Variants in PROX1 observed in about 807,000 individuals in gnomAD.
The protein encoded by PROX1 is prospero homeobox 1.
A neutral mutation model predicts 58.8 loss-of-function variants in PROX1; 7 were observed. That is an observed-to-expected ratio of 0.12 (90% confidence interval 0.07 to 0.22). PROX1 has a LOEUF of 0.22. Ranked by LOEUF, PROX1 falls within the 10% of genes least tolerant of loss-of-function variation. The pLI is 1.00. For synonymous variants in PROX1, 350 were observed against 358.3 expected (o/e 0.98, Z 0.26); for missense variants, 675 against 927.8 (o/e 0.73, Z 3.54).
chr1:214,035,628 A>G, intron 4 of PROX1, 21 bp from the exon 5 acceptor site: 1 of 1,591,836 alleles, frequency 6.3e-7, no homozygotes, highest in Non-Finnish European at 8.6e-7. Flanking sequence ...TATTAATGCC[A>G]TTGTCTCCTT....
intron 3 of PROX1, among the ~76,000 whole-genome samples, chr1:214,010,759 A>T (rs888903337): frequency 4.6e-5 from 7 of 152,174 alleles, no homozygotes; most frequent in Non-Finnish European, 8.8e-5. Flanking sequence ...CTTGGCATTT[A>T]AAAAAATGTA....
At position 213,993,830 on chromosome 1, in the gene PROX1, T is replaced by A. The variant is rs1448331168; in HGVS notation, c.-67-2639T>A. On this transcript the variant is annotated intron_variant, in intron 1 of 4. Transcript: ENST00000366958. ...TTTGTTATGTTCCAGCTGGACATTT[T>A]ACAACAAGACCTAAAAGTATTTAAA... Among the ~76,000 whole-genome samples, 3 of 152,254 alleles carry A rather than the reference T, an allele frequency of 2.0e-5. No individual in the cohort carries two copies. In the East Asian group the frequency reaches 5.8e-4, roughly 29 times the overall value.
chr1:214,004,172 A>G (rs1354938793), intron 2 of PROX1, among the ~76,000 whole-genome samples: 1 of 152,248 alleles, frequency 6.6e-6, no homozygotes, highest in Non-Finnish European at 1.5e-5. Flanking sequence ...TGCTGAGGAA[A>G]TGGCAGGGCC....
At chr1:213,989,336 G>C (rs1160585506) in intron 1 of PROX1, among the ~76,000 whole-genome samples, 3 of 151,896 alleles carry the variant, frequency 2.0e-5, no homozygotes, top group African/African-American at 7.3e-5. Flanking sequence ...AGGCTCGGGG[G>C]GTCGCGTGGC....
intron 1 of PROX1, 100 bp from the exon 2 acceptor site, chr1:213,996,369 C>A: frequency 1.4e-6 from 1 of 711,388 alleles, no homozygotes; most frequent in South Asian, 2.5e-5. Flanking sequence ...GCCATAAATC[C>A]CAGAGCCTAT....
intron 4 of PROX1, among the ~76,000 whole-genome samples, chr1:214,016,268 A>G (rs912117181): frequency 3.3e-5 from 5 of 151,974 alleles, no homozygotes; most frequent in African/African-American, 1.2e-4. Flanking sequence ...CCCCATACCT[A>G]CCCTTTTCTT....
At chr1:214,029,917 A>G (rs1287440330) in intron 4 of PROX1, 1 of 152,610 alleles carries the variant, frequency 6.6e-6, no homozygotes, top group African/African-American at 2.4e-5. Context: ...TGTTTTATTT[A>G]CCGCACAGTA....
intron 4 of PROX1, among the ~76,000 whole-genome samples, chr1:214,017,095 C>T (rs1664122895): frequency 6.6e-6 from 1 of 151,912 alleles, no homozygotes; most frequent in African/African-American, 2.4e-5. Context: ...TCTACAGTGG[C>T]TATATCACAT....
intron 4 of PROX1, among the ~76,000 whole-genome samples, chr1:214,017,443 G>C (rs1664132714): frequency 6.6e-6 from 1 of 152,036 alleles, no homozygotes; most frequent in South Asian, 2.1e-4. Context: ...AGGAGAAAAA[G>C]TCTCAACTCT....
In PROX1 at chr1:214,038,390, A is replaced by T. The variant is rs1020083351; in HGVS notation, c.*2556A>T. ...CTCCAAATTCCTATTTAACAGTTTGATTTTTTTTTTTTAATCACCATCTTT... is the reference window on the plus strand; with the variant it reads ...CTCCAAATTCCTATTTAACAGTTTGTTTTTTTTTTTTTAATCACCATCTTT... On this transcript the variant is annotated 3_prime_UTR_variant, in exon 5 of 5. Transcript: ENST00000366958. 6.8e-6 allele frequency: 1 copy of T among 146,798 alleles called. No individual in the cohort carries two copies. The highest frequency in any genetic ancestry group is 2.5e-5 in the African/African-American group (1 of 40,286). 9.1% of individuals were successfully genotyped at this position (146,798 alleles called of 1,614,324 possible).
chr1:214,003,962 T>TTTG (rs1553289681), intron 2 of PROX1, among the ~76,000 whole-genome samples: 2 of 113,412 alleles, frequency 1.8e-5, no homozygotes, highest in African/African-American at 3.1e-5. Flanking sequence ...TGTTGGGTAG[T>TTTG]TGTGTGAGTG....
intron 2 of PROX1, among the ~76,000 whole-genome samples, chr1:214,000,043 TACACACAC>T (rs10536742): frequency 3.4e-5 from 5 of 149,114 alleles, no homozygotes; most frequent in South Asian, 2.1e-4. Flanking sequence ...CTCTCTCTCT[TACACACAC>T]ACACACACAC....
Position 213,996,513 on chromosome 1 carries a change from G to GA in PROX1, c.-22dup, listed in dbSNP as rs1663267685. 6.3e-7 allele frequency: 1 copy of GA among 1,591,246 alleles called. No individual in the cohort carries two copies. Among genetic ancestry groups the GA allele is most frequent in the Non-Finnish European group, 8.6e-7 (1 of 1,165,700 alleles). ...TGTGCCCAGCTGACGAGCTTTTGAA[G>GA]ATGGCACAATAACCGTCCAGTGATG... is the stretch of plus-strand genomic sequence containing the variant. On this transcript the variant is annotated 5_prime_UTR_variant, in exon 2 of 5. The change creates a new upstream start codon in the 5' untranslated region. Coordinates refer to ENST00000366958, the MANE Select transcript of PROX1 (RefSeq NM_001270616.2).
At chr1:213,990,688 G>A (rs1176213158) in intron 1 of PROX1, among the ~76,000 whole-genome samples, 1 of 149,544 alleles carries the variant, frequency 6.7e-6, no homozygotes, top group African/African-American at 2.5e-5. Context: ...GTGTGTGTGT[G>A]TGTGTGTGTG....
chr1:214,012,629 G>A (rs1663953530), intron 4 of PROX1, among the ~76,000 whole-genome samples: 1 of 152,190 alleles, frequency 6.6e-6, no homozygotes, highest in South Asian at 2.1e-4. Flanking sequence ...TTGGAGGTGG[G>A]AACATGGCAA....
chr1:214,020,037 T>C (rs922823293), intron 4 of PROX1, among the ~76,000 whole-genome samples: 1 of 152,016 alleles, frequency 6.6e-6, no homozygotes, highest in Non-Finnish European at 1.5e-5. Flanking sequence ...CTACTTTTTT[T>C]CCCCCAAATG....
At chr1:214,006,421 T>C (rs1181358194) in intron 3 of PROX1, among the ~76,000 whole-genome samples, 1 of 152,194 alleles carries the variant, frequency 6.6e-6, no homozygotes, top group African/African-American at 2.4e-5. Context: ...CCTTTTATCT[T>C]TCTCCTTCCC....
At chr1:214,006,221 T>C (rs1307023313) in intron 3 of PROX1, among the ~76,000 whole-genome samples, 1 of 148,550 alleles carries the variant, frequency 6.7e-6, no homozygotes, top group Admixed American at 6.7e-5. Context: ...ACTCACAAGC[T>C]GCCAAAACAC....
rs182168658 is a variant in PROX1 at position 213,999,410 on chromosome 1, G to A, written c.1725+1150G>A. Among the ~76,000 whole-genome samples, 72 of 152,336 alleles carry A rather than the reference G, an allele frequency of 4.7e-4. 2 individuals are homozygous for A. Among genetic ancestry groups the A allele is most frequent in the Admixed American group, 4.1e-3 (62 of 15,304 alleles). On this transcript the variant is annotated intron_variant, in intron 2 of 4. Coordinates refer to ENST00000366958, the MANE Select transcript of PROX1 (RefSeq NM_001270616.2). ...TAGGATTTTGAGCAATTGTCTTGAT[G>A]ACTAGAGATTGACATTTTCATATCT...
Sources: allele counts gnomAD v4.1 joint callset (sites outside exome capture counted in the v4.1 genomes callset), GRCh38; gene constraint gnomAD v4.1.1; transcripts MANE v1.5; gene names NCBI Gene and HGNC (gene_info 2026-07-23, HGNC 2026-07-21).